NCAM2: variants seen among roughly 807,000 people sequenced by gnomAD.
NCAM2 encodes neural cell adhesion molecule 2.
Under a neutral mutation model 98.1 loss-of-function variants are expected in NCAM2, and 30 were observed. That is an observed-to-expected ratio of 0.31 (90% CI 0.23 to 0.41). The LOEUF is 0.41. Among genes scored for constraint, NCAM2 ranks in the 10% least tolerant of loss-of-function variants. The probability of loss-of-function intolerance (pLI) is 1.00; values close to 1 mark genes in which losing one functional copy is unlikely to be tolerated. For synonymous variants in NCAM2, 368 were observed against 342.4 expected, an observed-to-expected ratio of 1.07 and a Z score of -0.83; for missense variants, 867 against 1,005.8, an observed-to-expected ratio of 0.86 and a Z score of 1.87.
chr21:20,998,818 A>T (rs1479736097), intron 1 of NCAM2, among the ~76,000 whole-genome samples, 200 bp downstream of exon 1: 1 of 152,144 alleles, frequency 6.6e-6, no homozygotes, highest in Non-Finnish European at 1.5e-5. Context: ...AAATAAGAGA[A>T]GGGAAAATAC....
chr21:21,405,882 A>T (rs2076729457), intron 9 of NCAM2, among the ~76,000 whole-genome samples: 1 of 152,182 alleles, frequency 6.6e-6, no homozygotes, highest in Admixed American at 6.5e-5. Context: ...GAAGCAAGTG[A>T]TTAACTTACC....
At chr21:21,288,857 C>T (rs1287286977) in intron 4 of NCAM2, among the ~76,000 whole-genome samples, 1 of 151,850 alleles carries the variant, frequency 6.6e-6, no homozygotes, top group Non-Finnish European at 1.5e-5. Flanking sequence ...TGGAAATGCT[C>T]ATCTTATTAG....
chr21:21,002,334 G>T (rs1183582312), intron 1 of NCAM2, among the ~76,000 whole-genome samples: 1 of 152,082 alleles, frequency 6.6e-6, no homozygotes, highest in Non-Finnish European at 1.5e-5. Context: ...CCGAGGTACT[G>T]TCCTACTAGA....
intron 8 of NCAM2, among the ~76,000 whole-genome samples, chr21:21,371,355 T>C (rs73894636): frequency 6.6e-6 from 1 of 151,794 alleles, no homozygotes; most frequent in East Asian, 1.9e-4. Context: ...GTATTTGAAG[T>C]TGAGTTTACT....
intron 1 of NCAM2, among the ~76,000 whole-genome samples, chr21:21,230,502 A>G (rs188903403): frequency 5.5e-4 from 83 of 151,422 alleles, no homozygotes; most frequent in African/African-American, 1.9e-3. Flanking sequence ...TTCGATCACC[A>G]TATGCTTTCA....
At chr21:21,371,771 GTTTAAC>G (rs1378458967) in intron 8 of NCAM2, among the ~76,000 whole-genome samples, 1 of 151,696 alleles carries the variant, frequency 6.6e-6, no homozygotes, top group Non-Finnish European at 1.5e-5. Context: ...TATCTTGTTT[GTTTAAC>G]TTTAATGCCA....
chr21:21,406,162 C>G (rs530754278), intron 9 of NCAM2, among the ~76,000 whole-genome samples: 1 of 152,176 alleles, frequency 6.6e-6, no homozygotes, highest in Admixed American at 6.6e-5. Flanking sequence ...CAATAGTGCT[C>G]AAGACTATTG....
At chr21:21,341,225 T>C (rs145568271) in intron 8 of NCAM2, among the ~76,000 whole-genome samples, 1 of 152,222 alleles carries the variant, frequency 6.6e-6, no homozygotes, top group African/African-American at 2.4e-5. Flanking sequence ...ATTCCTATCA[T>C]GGAAAGTAGC....
intron 9 of NCAM2, among the ~76,000 whole-genome samples, chr21:21,405,011 T>C (rs951791205): frequency 2.0e-5 from 3 of 151,896 alleles, no homozygotes; most frequent in Admixed American, 2.0e-4. Flanking sequence ...GCCATACATA[T>C]GGCTTTCCAA....
intron 1 of NCAM2, among the ~76,000 whole-genome samples, chr21:21,081,251 A>G (rs996538247): frequency 6.6e-6 from 1 of 152,176 alleles, no homozygotes; most frequent in Non-Finnish European, 1.5e-5. Flanking sequence ...CTTAATGCAC[A>G]TGCTGGAGCT....
chr21:21,124,522 G>A (rs1345678520), intron 1 of NCAM2, among the ~76,000 whole-genome samples: 2 of 152,092 alleles, frequency 1.3e-5, no homozygotes, highest in African/African-American at 4.8e-5. Flanking sequence ...TAGTAACAAT[G>A]GAAAGCAGGA....
intron 8 of NCAM2, among the ~76,000 whole-genome samples, chr21:21,357,767 TA>T (rs2075530636): frequency 6.6e-6 from 1 of 152,068 alleles, no homozygotes; most frequent in African/African-American, 2.4e-5. Flanking sequence ...AGACAATTCT[TA>T]GTGTTTGATT....
intron 12 of NCAM2, among the ~76,000 whole-genome samples, chr21:21,459,921 G>C (rs1409713831): frequency 6.6e-6 from 1 of 151,774 alleles, no homozygotes; most frequent in Non-Finnish European, 1.5e-5. Flanking sequence ...GTACTAAGAG[G>C]CTACATATTA....
chr21:21,001,940 A>G (rs911662320), intron 1 of NCAM2, among the ~76,000 whole-genome samples: 1 of 151,586 alleles, frequency 6.6e-6, no homozygotes, highest in African/African-American at 2.4e-5. Flanking sequence ...GTGAGTGTCT[A>G]CTAGTTTGAA....
chr21:21,247,073 A>T (rs1393632769), intron 1 of NCAM2, among the ~76,000 whole-genome samples: 10 of 151,870 alleles, frequency 6.6e-5, no homozygotes, highest in Admixed American at 6.6e-4. Context: ...TAATCCCAGC[A>T]CTTTGGGAGG....
chr21:21,041,145 A>G (rs2064896634), intron 1 of NCAM2, among the ~76,000 whole-genome samples: 1 of 152,212 alleles, frequency 6.6e-6, no homozygotes. Flanking sequence ...CTATCAATTG[A>G]AAAGGGTTTT....
At chr21:21,532,398 AAAAATT>A (rs1423931363) in intron 16 of NCAM2, among the ~76,000 whole-genome samples, 1 of 152,132 alleles carries the variant, frequency 6.6e-6, no homozygotes, top group Admixed American at 6.5e-5. Context: ...TTAATGTAAT[AAAAATT>A]AAAATTAAAA....
chr21:21,469,888 G>C (rs1984210907), intron 14 of NCAM2, among the ~76,000 whole-genome samples: 1 of 151,954 alleles, frequency 6.6e-6, no homozygotes, highest in South Asian at 2.1e-4. Flanking sequence ...TTGCACATTT[G>C]TAAACACGGT....
At chr21:21,233,460 A>G (rs1485582942) in intron 1 of NCAM2, among the ~76,000 whole-genome samples, 2 of 151,674 alleles carry the variant, frequency 1.3e-5, no homozygotes, top group Non-Finnish European at 3.0e-5. Context: ...GCAATAGAGT[A>G]TTTTTAATTT....
Sources: allele counts gnomAD v4.1 joint callset (sites outside exome capture counted in the v4.1 genomes callset), GRCh38; gene constraint gnomAD v4.1.1; transcripts MANE v1.5; gene names NCBI Gene and HGNC (gene_info 2026-07-23, HGNC 2026-07-21).